ITGA9: variants seen among roughly 807,000 people sequenced by gnomAD.
The protein encoded by ITGA9 is integrin subunit alpha 9, also known as integrin alpha-9.
In ITGA9, 56 loss-of-function variants were observed where a neutral mutation model predicts 127.8. The ratio of observed to expected loss-of-function variants is 0.44; its 90% CI spans 0.35 to 0.55. The LOEUF is 0.55. Among genes scored for constraint, ITGA9 ranks in the 20% least tolerant of loss-of-function variants. The pLI is 0.00. For missense variants in ITGA9, 1,196 were observed against 1,347.1 expected, an observed-to-expected ratio of 0.89 and a Z score of 1.76; for synonymous variants, 508 against 514.5, an observed-to-expected ratio of 0.99 and a Z score of 0.17.
intron 17 of ITGA9, among the ~76,000 whole-genome samples, chr3:37,669,320 G>C (rs1409407555): frequency 6.6e-6 from 1 of 152,208 alleles, no homozygotes; most frequent in Non-Finnish European, 1.5e-5. Flanking sequence ...TTTGGGGTGT[G>C]GATTAACTCC....
At chr3:37,729,281 T>C (rs1053939609) in intron 18 of ITGA9, among the ~76,000 whole-genome samples, 2 of 152,156 alleles carry the variant, frequency 1.3e-5, no homozygotes, top group Non-Finnish European at 2.9e-5. Flanking sequence ...ATGTTGGTGC[T>C]GACAGGCAGC....
chr3:37,662,710 A>G (rs535304721), intron 17 of ITGA9, among the ~76,000 whole-genome samples: 29 of 152,158 alleles, frequency 1.9e-4, no homozygotes, highest in African/African-American at 7.0e-4. Context: ...CTTGGACACA[A>G]TTTTTGCTTT....
chr3:37,513,402 A>G (rs1394785717), intron 8 of ITGA9, among the ~76,000 whole-genome samples: 1 of 152,122 alleles, frequency 6.6e-6, no homozygotes, highest in Non-Finnish European at 1.5e-5. Context: ...CAGCATAGCC[A>G]TCCAGCCTCT....
chr3:37,452,449 C>T lies in ITGA9; in HGVS notation c.75C>T (p.Ile25=), dbSNP rs1436943710. 6 of 1,482,498 alleles carry T rather than the reference C, an allele frequency of 4.0e-6. No homozygotes were observed. The highest frequency in any genetic ancestry group is 3.0e-5 in the East Asian group (1 of 33,146). The allele number at this position is 1,482,498 out of a possible 1,614,324, so 91.8% of individuals were successfully genotyped here. Residue 25 remains isoleucine, a synonymous_variant, in exon 1 of 28, where the codon ATC becomes ATT. Transcript: ENST00000264741. The surrounding 1 kb of genome is among the most constrained non-coding windows in gnomAD (Gnocchi z 7.3). ...ALLLALVVAG[I]PAGAYNLDPQ... ...TGCTGGCGCTGGTGGTCGCGGGGAT[C>T]CCCGCGGGCGCCTACAACCTCGACC...
At chr3:37,756,075 C>T (rs1468651665) in intron 23 of ITGA9, among the ~76,000 whole-genome samples, 1 of 151,482 alleles carries the variant, frequency 6.6e-6, no homozygotes, top group Non-Finnish European at 1.5e-5. Context: ...CCTAAAGACA[C>T]TCTCAGATTA....
intron 15 of ITGA9, among the ~76,000 whole-genome samples, chr3:37,617,718 T>A (rs1700088587): frequency 6.6e-6 from 1 of 152,208 alleles, no homozygotes; most frequent in Admixed American, 6.5e-5. Context: ...TCATTTGATC[T>A]TCCTTCACTG....
chr3:37,621,437 C>T lies in ITGA9; in HGVS notation c.1690-7750C>T, dbSNP rs75905598. Among the ~76,000 whole-genome samples, 887 of 152,308 alleles carry T rather than the reference C, an allele frequency of 5.8e-3. 8 individuals are homozygous for T. The highest frequency in any genetic ancestry group is 9.8e-3 in the East Asian group (51 of 5,184). ...GCCATCCCTGGCCCTGCCTGGATGC[C>T]GGTACCTGGCCACTGCTGCTATATT... On this transcript the variant is annotated intron_variant, in intron 15 of 27. Coordinates refer to ENST00000264741, the MANE Select transcript of ITGA9 (RefSeq NM_002207.3).
rs567812811 is a variant in ITGA9 at position 37,814,570 on chromosome 3, C to G, written c.3010-4321C>G. The stretch of plus-strand genomic sequence containing the variant: ...CAGAGCGAGACTCCATCCCCCACCC[C>G]CCCAAAAAAGAAACAATATTAGTTT... On this transcript the variant is annotated intron_variant, in intron 27 of 27. Transcript: ENST00000264741. This position sits in a 1 kb window ranked among gnomAD's most constrained non-coding sequence, Gnocchi z 4.3. 3.9e-4 allele frequency among the ~76,000 whole-genome samples: 60 copies of G among 152,074 alleles called. 1 individual carries two copies. Among genetic ancestry groups the G allele is most frequent in the African/African-American group, 1.4e-3 (57 of 41,504 alleles).
At chr3:37,585,756 T>C (rs776011998) in intron 15 of ITGA9, 11 of 385,832 alleles carry the variant, frequency 2.9e-5, no homozygotes, top group Admixed American at 1.5e-4. Context: ...CCTGACTCCA[T>C]AGAGCAGTGT....
intron 15 of ITGA9, among the ~76,000 whole-genome samples, chr3:37,561,225 TAAAATC>T (rs1699484767): frequency 6.6e-6 from 1 of 152,184 alleles, no homozygotes; most frequent in South Asian, 2.1e-4. Flanking sequence ...TATTTCAACA[TAAAATC>T]AATAAAATGT....
At chr3:37,800,737 T>C (rs1697226889) in intron 26 of ITGA9, among the ~76,000 whole-genome samples, 1 of 152,204 alleles carries the variant, frequency 6.6e-6, no homozygotes, top group African/African-American at 2.4e-5. Context: ...AACCCCAAGC[T>C]GGAAATAATC....
At chr3:37,499,722 T>A (rs1356059193) in intron 5 of ITGA9, among the ~76,000 whole-genome samples, 1 of 152,024 alleles carries the variant, frequency 6.6e-6, no homozygotes, top group Non-Finnish European at 1.5e-5. Flanking sequence ...TTTTATGTAG[T>A]ATGGGCTGAA....
chr3:37,786,455 G>A (rs746120952), intron 26 of ITGA9, among the ~76,000 whole-genome samples: 6 of 152,120 alleles, frequency 3.9e-5, no homozygotes, highest in African/African-American at 7.2e-5. Context: ...TTAGCCAGTC[G>A]TGGTGGTAGG....
At chr3:37,736,643 G>T (rs984217701) in intron 19 of ITGA9, among the ~76,000 whole-genome samples, 17 of 152,152 alleles carry the variant, frequency 1.1e-4, no homozygotes, top group African/African-American at 4.1e-4. Context: ...AGAAAGTCCC[G>T]GTTAAAGAGT....
chr3:37,648,920 A>G (rs996687390), intron 16 of ITGA9, among the ~76,000 whole-genome samples: 4 of 152,118 alleles, frequency 2.6e-5, no homozygotes, highest in African/African-American at 9.7e-5. Flanking sequence ...ATATAAATAG[A>G]TATAAACTGA....
chr3:37,717,544 C>T (rs562053121), intron 18 of ITGA9, among the ~76,000 whole-genome samples: 14 of 152,256 alleles, frequency 9.2e-5, no homozygotes, highest in African/African-American at 2.9e-4. Flanking sequence ...AGAAGGTGAA[C>T]GGAAGCAAGA....
intron 15 of ITGA9, among the ~76,000 whole-genome samples, chr3:37,616,136 ATG>A (rs1201670430): frequency 1.3e-5 from 2 of 152,118 alleles, no homozygotes. Flanking sequence ...ACTGCTTTGA[ATG>A]TGTCCCAGAG....
intron 15 of ITGA9, among the ~76,000 whole-genome samples, chr3:37,557,201 T>C (rs1699439498): frequency 6.6e-6 from 1 of 152,200 alleles, no homozygotes; most frequent in African/African-American, 2.4e-5. Flanking sequence ...TCTGCTTTCT[T>C]GGGGCAAACA....
At chr3:37,529,576 G>T (rs773103370) in intron 13 of ITGA9, among the ~76,000 whole-genome samples, 5 of 152,212 alleles carry the variant, frequency 3.3e-5, no homozygotes, top group Admixed American at 6.5e-5. Flanking sequence ...GTGTTTTAAG[G>T]ACGGGAAGCT....
Sources: allele counts gnomAD v4.1 joint callset (sites outside exome capture counted in the v4.1 genomes callset), GRCh38; gene constraint gnomAD v4.1.1; non-coding constraint Gnocchi (gnomAD v3.1); transcripts MANE v1.5; gene names NCBI Gene and HGNC (gene_info 2026-07-23, HGNC 2026-07-21).